The following HSD17B4 variants were observed in gnomAD, a reference collection of about 807,000 sequenced individuals.
The protein encoded by HSD17B4 is peroxisomal multifunctional enzyme type 2.
A neutral mutation model predicts 101.0 loss-of-function variants in HSD17B4; 70 were observed. The ratio of observed to expected loss-of-function variants is 0.69; its 90% confidence interval spans 0.57 to 0.85. The LOEUF (loss-of-function observed/expected upper bound fraction) is 0.85, where lower values mean the gene tolerates loss of function less well. Among genes scored for constraint, HSD17B4 ranks in the 40% least tolerant of loss-of-function variants. The pLI, the probability that HSD17B4 is intolerant of heterozygous loss-of-function variation, is 0.00. For missense variants in HSD17B4, 984 were observed against 892.4 expected (o/e 1.10, Z -1.31); for synonymous variants, 347 against 297.1 (o/e 1.17, Z -1.73).
At chr5:119,516,537 C>A (rs935465650) in intron 17 of HSD17B4, among the ~76,000 whole-genome samples, 1 of 151,660 alleles carries the variant, frequency 6.6e-6, no homozygotes. Flanking sequence ...GTTTTTAAAT[C>A]AACAATATTT....
At chr5:119,452,659 C>G in intron 1 of HSD17B4, 26 bp downstream of exon 1, 1 of 1,613,394 alleles carries the variant, frequency 6.2e-7, no homozygotes, top group Non-Finnish European at 8.5e-7. Flanking sequence ...TTGGAGGCCG[C>G]GCCCCTTGCT....
At chr5:119,529,866 A>C (rs1456165959) in intron 20 of HSD17B4, 28 bp from the exon 21 acceptor site, 1 of 1,307,018 alleles carries the variant, frequency 7.7e-7, no homozygotes, top group East Asian at 2.3e-5. Context: ...AATCAGAATA[A>C]ATCTTTTTTT....
intron 9 of HSD17B4, among the ~76,000 whole-genome samples, chr5:119,490,272 CTG>C (rs1313678510): frequency 2.0e-5 from 3 of 152,126 alleles, no homozygotes; most frequent in Admixed American, 6.6e-5. Context: ...CTTTACAACT[CTG>C]TTTTATAGAA....
chr5:119,475,313 T>G (rs1338173705), intron 4 of HSD17B4, among the ~76,000 whole-genome samples: 1 of 152,130 alleles, frequency 6.6e-6, no homozygotes, highest in Admixed American at 6.5e-5. Flanking sequence ...TTGGACTTTT[T>G]ACTTTTGAGT....
At chr5:119,508,975 A>G (rs35312742) in intron 15 of HSD17B4, among the ~76,000 whole-genome samples, 166 bp from the exon 16 acceptor site, 327 of 152,334 alleles carry the variant, frequency 2.1e-3, no homozygotes, top group Non-Finnish European at 3.8e-3. Context: ...ATGGATTAAA[A>G]TGAATGCTTT....
chr5:119,518,910 A>G (rs1289414809), intron 17 of HSD17B4, among the ~76,000 whole-genome samples: 26 of 151,996 alleles, frequency 1.7e-4, no homozygotes, highest in Admixed American at 1.7e-3. Flanking sequence ...GAGGCAGGAG[A>G]GTCACTTGAG....
At chr5:119,537,806 A>G (rs958002217) in intron 23 of HSD17B4, among the ~76,000 whole-genome samples, 2 of 152,174 alleles carry the variant, frequency 1.3e-5, no homozygotes, top group African/African-American at 4.8e-5. Context: ...CTTTATTTAC[A>G]GAAACACACA....
At chr5:119,541,738 A>G (rs1224015302) in intron 23 of HSD17B4, among the ~76,000 whole-genome samples, 167 bp from the exon 24 acceptor site, 1 of 152,108 alleles carries the variant, frequency 6.6e-6, no homozygotes, top group African/African-American at 2.4e-5. Flanking sequence ...GTCTAAAAAA[A>G]TGTGCTATCT....
intron 8 of HSD17B4, among the ~76,000 whole-genome samples, chr5:119,484,141 G>T (rs905982524): frequency 6.6e-6 from 1 of 152,146 alleles, no homozygotes; most frequent in African/African-American, 2.4e-5. Context: ...CCAGCAATTC[G>T]AGGCTACAGT....
intron 8 of HSD17B4, among the ~76,000 whole-genome samples, chr5:119,486,408 T>A (rs1334174975): frequency 6.6e-6 from 1 of 152,166 alleles, no homozygotes; most frequent in East Asian, 1.9e-4. Flanking sequence ...TGTTACCTTT[T>A]TACCTCACCC....
chr5:119,493,819 A>C lies in HSD17B4; in HGVS notation c.741A>C (p.Leu247Phe). The change falls in exon 11 of 24, where the codon TTA becomes TTC. Residue 247 changes from leucine (L) to phenylalanine (F), a missense_variant and splice_region_variant. Physicochemically the swap from Leu to Phe is conservative, Grantham distance 22. Coordinates refer to ENST00000510025, the MANE Select transcript of HSD17B4 (RefSeq NM_000414.4). ...TGTTAGTTTTGTTTCTATAACCAGT[A>C]CGCTGGGAGCGGACTCTTGGAGCTA... ...FEVGAGWIGK[L>F]RWERTLGAIV... 1 of 1,612,582 alleles carries C rather than the reference A, an allele frequency of 6.2e-7. No homozygotes were observed. Among genetic ancestry groups the C allele is most frequent in the Non-Finnish European group, 8.5e-7 (1 of 1,178,862 alleles).
At chr5:119,463,522 ATT>A (rs200229610) in intron 2 of HSD17B4, among the ~76,000 whole-genome samples, 13 of 117,844 alleles carry the variant, frequency 1.1e-4, no homozygotes, top group African/African-American at 1.5e-4. Flanking sequence ...ATCCTTTGTT[ATT>A]TTTTTTTTTT....
At chr5:119,495,789 G>A in intron 11 of HSD17B4, 1 of 167,502 alleles carries the variant, frequency 6.0e-6, no homozygotes, top group South Asian at 1.2e-4. Flanking sequence ...TCCCACCTCA[G>A]CCTCCCAAGT....
chr5:119,531,623 G>A (rs1387974500), intron 22 of HSD17B4, among the ~76,000 whole-genome samples: 2 of 150,872 alleles, frequency 1.3e-5, no homozygotes, highest in Non-Finnish European at 3.0e-5. Flanking sequence ...GAGATGTAGG[G>A]AATCAATTGA....
At chr5:119,494,331 TTCTTTCTTTC>T (rs2126761411) in intron 11 of HSD17B4, among the ~76,000 whole-genome samples, 1 of 115,312 alleles carries the variant, frequency 8.7e-6, no homozygotes, top group Non-Finnish European at 1.8e-5. Context: ...TTTCTTTTCT[TTCTTTCTTTC>T]TTTCTTTCTT....
chr5:119,519,157 C>G (rs903466092), intron 17 of HSD17B4, among the ~76,000 whole-genome samples: 5 of 152,038 alleles, frequency 3.3e-5, no homozygotes, highest in Non-Finnish European at 7.4e-5. Context: ...CAAAACAAAA[C>G]AAACGAGTAT....
chr5:119,456,264 A>C (rs558204513), intron 1 of HSD17B4, 51 bp from the exon 2 acceptor site: 1 of 1,354,772 alleles, frequency 7.4e-7, no homozygotes, highest in Non-Finnish European at 1.1e-6. Flanking sequence ...GCGGACCAAA[A>C]AAATTATGCT....
chr5:119,540,843 G>T (rs775067285), intron 23 of HSD17B4, among the ~76,000 whole-genome samples: 1 of 152,146 alleles, frequency 6.6e-6, no homozygotes, highest in South Asian at 2.1e-4. Context: ...TGGCTCTGTA[G>T]ACTTGAGCAG....
In HSD17B4 at chr5:119,501,914, G is replaced by GAT. The variant is rs1751201418; in HGVS notation, c.1210-125_1210-124dup. On this transcript the variant is annotated intron_variant, in intron 13 of 23. Coordinates refer to ENST00000510025, the MANE Select transcript of HSD17B4 (RefSeq NM_000414.4). The stretch of plus-strand genomic sequence containing the variant: ...CATGATTAAGAAGAAGCCAAACAGA[G>GAT]ATAGATAACTTGGAGAGAAATGTGA... 41 of 684,390 alleles carry GAT rather than the reference G, an allele frequency of 6.0e-5. No homozygotes were observed. The South Asian group carries it at 6.7e-4, about 11-fold the overall frequency. The allele number at this position is 684,390 out of a possible 1,614,324, so 42.4% of individuals were successfully genotyped here. A position where few individuals can be genotyped will look rare whatever the true frequency, so the allele number is the denominator to read the frequency against.
Sources: allele counts gnomAD v4.1 joint callset (sites outside exome capture counted in the v4.1 genomes callset), GRCh38; gene constraint gnomAD v4.1.1; transcripts MANE v1.5; gene names NCBI Gene and HGNC (gene_info 2026-07-23, HGNC 2026-07-21).